Variants in TNKS observed in about 807,000 individuals in gnomAD.
The protein encoded by TNKS is tankyrase, also known as poly [ADP-ribose] polymerase tankyrase-1.
In TNKS, 72 loss-of-function variants were observed where a neutral mutation model predicts 135.8. The ratio of observed to expected loss-of-function variants is 0.53; its 90% CI spans 0.44 to 0.64. The LOEUF (loss-of-function observed/expected upper bound fraction) is 0.64. Ranked by LOEUF, TNKS falls within the 30% of genes least tolerant of loss-of-function variation. The pLI is 0.00. For synonymous variants in TNKS, 849 were observed against 649.3 expected (o/e 1.31, Z -4.68); for missense variants, 1,769 against 1,674.0 (o/e 1.06, Z -0.99).
At chr8:9,691,618 C>T (rs919108580) in intron 5 of TNKS, among the ~76,000 whole-genome samples, 1 of 152,126 alleles carries the variant, frequency 6.6e-6, no homozygotes, top group African/African-American at 2.4e-5. Context: ...TCACCCTGTT[C>T]CTTAGTTCCC....
intron 2 of TNKS, among the ~76,000 whole-genome samples, chr8:9,611,652 T>C (rs1799468147): frequency 6.6e-6 from 1 of 152,256 alleles, no homozygotes; most frequent in Non-Finnish European, 1.5e-5. Context: ...TGTGGCATTC[T>C]TGAAAACTAT....
chr8:9,634,398 G>T (rs1800424956), intron 3 of TNKS, among the ~76,000 whole-genome samples: 1 of 152,156 alleles, frequency 6.6e-6, no homozygotes, highest in South Asian at 2.1e-4. Flanking sequence ...AGTAACTTTT[G>T]AACGTAATTC....
chr8:9,735,693 G>A (rs1019477242), intron 17 of TNKS, among the ~76,000 whole-genome samples: 1 of 151,916 alleles, frequency 6.6e-6, no homozygotes, highest in Non-Finnish European at 1.5e-5. Context: ...CCAGCTACTC[G>A]GGAGGCTGAG....
intron 5 of TNKS, among the ~76,000 whole-genome samples, chr8:9,682,809 T>C (rs1212059387): frequency 1.0e-5 from 1 of 98,562 alleles, no homozygotes; most frequent in African/African-American, 3.4e-5. Flanking sequence ...TTATTATTAC[T>C]AATATTATTA....
chr8:9,702,245 G>C (rs929147638), intron 5 of TNKS, among the ~76,000 whole-genome samples: 1 of 152,170 alleles, frequency 6.6e-6, no homozygotes, highest in Non-Finnish European at 1.5e-5. Context: ...TCCAAATTTA[G>C]TGAAAACTAT....
At chr8:9,643,333 T>C (rs567872722) in intron 3 of TNKS, among the ~76,000 whole-genome samples, 1 of 145,810 alleles carries the variant, frequency 6.9e-6, no homozygotes, top group Non-Finnish European at 1.5e-5. Flanking sequence ...TTAGGGCCTG[T>C]TTGCTGTGTC....
In TNKS at chr8:9,644,373, C is replaced by T. The variant is rs192661366; in HGVS notation, c.994+28696C>T. Among the ~76,000 whole-genome samples the T allele has an allele frequency of 2.1e-3, 316 of 152,214 alleles. 1 individual carries two copies. Among genetic ancestry groups the T allele is most frequent in the Non-Finnish European group, 3.5e-3 (239 of 68,008 alleles). On this transcript the variant is annotated intron_variant, in intron 3 of 26. Coordinates refer to ENST00000310430, the MANE Select transcript of TNKS (RefSeq NM_003747.3). ...TTCTATTGGGTAAAGTGGCAATTGG[C>T]TCTTTCCAATTTGAGAAGACTCTGT...
rs557488409 is a variant in TNKS at position 9,710,465 on chromosome 8, A to G, written c.1749+245A>G. ...AAAGCAACAAAATATAGCTATAGTCATTTGAAATAGATTTCATCTTTACAT... is the reference window on the plus strand; with the variant it reads ...AAAGCAACAAAATATAGCTATAGTCGTTTGAAATAGATTTCATCTTTACAT... On this transcript the variant is annotated intron_variant, in intron 11 of 26. Transcript: ENST00000310430. 22 of 572,098 alleles carry G rather than the reference A, an allele frequency of 3.8e-5. No homozygotes were observed. The Admixed American group carries it at 4.3e-4, about 11-fold the overall frequency. The allele number at this position is 572,098 out of a possible 1,614,324, so 35.4% of individuals were successfully genotyped here.
Position 9,556,111 on chromosome 8 carries a change from T to A in TNKS, c.172T>A (p.Ser58Thr). The change falls in exon 1 of 27, where the codon TCC (serine) becomes ACC (threonine). Residue 58 changes from serine (S) to threonine (T), a missense_variant. Coordinates refer to ENST00000310430, the MANE Select transcript of TNKS (RefSeq NM_003747.3). ...GGCCAGCGGCCTGGCCCCCTTCGCC[T>A]CCCCGCGGCACGGCCTAGCGCTGCC... ...PTASGLAPFA[S>T]PRHGLALPEG... 1.9e-6 allele frequency: 3 copies of A among 1,600,824 alleles called. No homozygotes were observed. Among genetic ancestry groups the A allele is most frequent in the Non-Finnish European group, 2.6e-6 (3 of 1,174,250 alleles).
intron 24 of TNKS, 56 bp downstream of exon 24, chr8:9,765,853 A>G: frequency 1.4e-6 from 2 of 1,436,660 alleles, no homozygotes; most frequent in South Asian, 1.2e-5. Flanking sequence ...AGGAGTCAGT[A>G]AAGGGAAAAA....
rs758501543 is a variant in TNKS, at chr8:9,619,711, C to T, written c.994+4034C>T. ...AGGAATCAGCTGTGGCTCAGGCCACCGGCAATATTGAGGTGTCTGGTGTGT... is the reference window on the plus strand; with the variant it reads ...AGGAATCAGCTGTGGCTCAGGCCACTGGCAATATTGAGGTGTCTGGTGTGT... On this transcript the variant is annotated intron_variant, in intron 3 of 26. Coordinates refer to ENST00000310430, the MANE Select transcript of TNKS (RefSeq NM_003747.3). Among the ~76,000 whole-genome samples the T allele has an allele frequency of 4.0e-5, 6 of 151,708 alleles. 1 individual carries two copies. The highest frequency in any genetic ancestry group is 6.6e-5 in the Admixed American group (1 of 15,248).
At position 9,556,333 on chromosome 8, in the gene TNKS, T is replaced by TCTTCTTCCCCGA. The variant is rs2129048300; in HGVS notation, c.403_414dup (p.Pro135_Ser138dup). ...TGGCAGTAACAATTCACCGTCGTCC[T>TCTTCTTCCCCGA]CTTCTTCCCCGACTTCTTCCTCATC... On this transcript the variant is annotated inframe_insertion, in exon 1 of 27. Coordinates refer to ENST00000310430, the MANE Select transcript of TNKS (RefSeq NM_003747.3). 1 of 1,614,212 alleles carries TCTTCTTCCCCGA rather than the reference T, an allele frequency of 6.2e-7. No individual in the cohort carries two copies. Among genetic ancestry groups the TCTTCTTCCCCGA allele is most frequent in the East Asian group, 2.2e-5 (1 of 44,878 alleles).
At chr8:9,742,213 T>G (rs1368471575) in intron 17 of TNKS, among the ~76,000 whole-genome samples, 1 of 152,196 alleles carries the variant, frequency 6.6e-6, no homozygotes, top group African/African-American at 2.4e-5. Flanking sequence ...ATTTTTTTCA[T>G]GTATTAAACT....
intron 22 of TNKS, among the ~76,000 whole-genome samples, chr8:9,764,512 C>T (rs1273951530): frequency 2.0e-5 from 3 of 151,986 alleles, no homozygotes; most frequent in African/African-American, 7.2e-5. Context: ...TCTTTCAGAA[C>T]TTTTATTTAA....
In TNKS at chr8:9,638,622, T is replaced by A. The variant is rs570566425; in HGVS notation, c.994+22945T>A. Among the ~76,000 whole-genome samples, 21 of 152,366 alleles carry A rather than the reference T, an allele frequency of 1.4e-4. No homozygotes were observed. The East Asian group carries it at 4.0e-3, about 29-fold the overall frequency. ...CTAAGTTTATTTTGCTTTAAATATT[T>A]ATGTCATTCTTTTCAGACAAAAATG... is the stretch of plus-strand genomic sequence containing the variant. On this transcript the variant is annotated intron_variant, in intron 3 of 26. Transcript: ENST00000310430.
chr8:9,651,051 A>C (rs201313791), intron 3 of TNKS, among the ~76,000 whole-genome samples: 1 of 564 alleles, frequency 1.8e-3, no homozygotes. Context: ...CAATTATACC[A>C]ACACCATTTG....
At position 9,579,934 on chromosome 8, in the gene TNKS, G is replaced by T. The variant is rs187543131; in HGVS notation, c.674-225G>T. Among the ~76,000 whole-genome samples, 45 of 152,266 alleles carry T rather than the reference G, an allele frequency of 3.0e-4. No homozygotes were observed. The East Asian group carries it at 7.9e-3, about 27-fold the overall frequency. On this transcript the variant is annotated intron_variant, in intron 1 of 26. Coordinates refer to ENST00000310430, the MANE Select transcript of TNKS (RefSeq NM_003747.3). ...AGCACATATTAAGTGTTTAGAAAAT[G>T]TTTTTTGAATGAACAGCCCAAAGAC...
intron 3 of TNKS, among the ~76,000 whole-genome samples, chr8:9,631,004 CATTTAT>C (rs946001467): frequency 6.6e-6 from 1 of 152,132 alleles, no homozygotes; most frequent in Non-Finnish European, 1.5e-5. Context: ...AATCTTCATT[CATTTAT>C]AGAATACCTT....
chr8:9,608,584 C>G (rs1799325815), intron 2 of TNKS, among the ~76,000 whole-genome samples: 1 of 152,138 alleles, frequency 6.6e-6, no homozygotes, highest in African/African-American at 2.4e-5. Context: ...GGGGTTTTGT[C>G]CTGCACAGGT....
Sources: gnomAD v4.1 joint callset for allele counts (sites outside exome capture counted in the v4.1 genomes callset) on GRCh38, gnomAD v4.1.1 for gene constraint, MANE v1.5 for transcripts, NCBI Gene and HGNC (gene_info 2026-07-23, HGNC 2026-07-21) for gene names.